PLAGL1: variants seen among roughly 807,000 people sequenced by gnomAD.
PLAGL1 encodes the protein PLAG1 like zinc finger 1, also known as zinc finger protein PLAGL1.
Under a neutral mutation model 4.6 loss-of-function variants are expected in PLAGL1, and 1 was observed. The observed-to-expected ratio is 0.22, with a 90% CI of 0.08 to 1.03. PLAGL1 has a LOEUF of 1.03. PLAGL1 is among the 50% of genes least tolerant of loss of function. PLAGL1 has a pLI of 0.58. For synonymous variants in PLAGL1, 240 were observed against 237.8 expected (o/e 1.01, Z -0.08); for missense variants, 464 against 570.4 (o/e 0.81, Z 1.90).
At position 144,046,469 on chromosome 6, in the gene PLAGL1, G is replaced by A. The variant is rs142651548; in HGVS notation, c.-151+17999C>T. Among the ~76,000 whole-genome samples the A allele has an allele frequency of 2.2e-3, 342 of 152,272 alleles. 1 individual carries two copies. The highest frequency in any genetic ancestry group is 3.4e-3 in the Non-Finnish European group (230 of 68,016). ...CTCAGCTGCAGGTCTGCTGGAGTTT[G>A]CTGGAGGTCTACTCCAGACCCTGTT... On this transcript the variant is annotated intron_variant, in intron 1 of 3. Transcript: ENST00000437412.
rs901647807 is a variant in PLAGL1, at chr6:144,061,853, C to T, written c.-151+2615G>A. On this transcript the variant is annotated intron_variant, in intron 1 of 3. Coordinates refer to the PLAGL1 transcript ENST00000437412. The surrounding 1 kb of genome is among the most constrained non-coding windows in gnomAD (Gnocchi z 4.4). The stretch of plus-strand genomic sequence containing the variant: ...GATTTTCCTTTTGTGCACTTCTCCT[C>T]TGTTGTCATTCCAACCTTCTGTAAT... 2.0e-5 allele frequency among the ~76,000 whole-genome samples: 3 copies of T among 152,190 alleles called. No individual in the cohort carries two copies. Among genetic ancestry groups the T allele is most frequent in the Non-Finnish European group, 2.9e-5 (2 of 68,038 alleles).
At position 144,056,518 on chromosome 6, in the gene PLAGL1, A is replaced by G. The variant is rs1017162057; in HGVS notation, c.-151+7950T>C. ...CCCTCTTTCACCCCTAGCCCTTGACAGCCACTGATCTTTTTATTGCCTCCA... is the reference window on the plus strand; with the variant it reads ...CCCTCTTTCACCCCTAGCCCTTGACGGCCACTGATCTTTTTATTGCCTCCA... On this transcript the variant is annotated intron_variant, in intron 1 of 3. Coordinates refer to the PLAGL1 transcript ENST00000437412. This position sits in a 1 kb window ranked among gnomAD's most constrained non-coding sequence, Gnocchi z 4.7. Among the ~76,000 whole-genome samples the G allele has an allele frequency of 2.0e-5, 3 of 152,212 alleles. No homozygotes were observed. Among genetic ancestry groups the G allele is most frequent in the African/African-American group, 7.2e-5 (3 of 41,460 alleles).
At chr6:144,051,711 A>G (rs7752731) in intron 1 of PLAGL1, among the ~76,000 whole-genome samples, 23,145 of 152,224 alleles carry the variant, frequency 0.15, 2,062 homozygotes, top group Admixed American at 0.25. Flanking sequence ...ATGGTAGAAA[A>G]CGAGGAGGAG....
rs949553749 is a variant in PLAGL1 at position 143,948,263 on chromosome 6, G to A, written c.-127C>T. ...TGCAGCTGAACTCCAGACCACGGGA[G>A]AGGCAGCATCGTGGGCCTGGTTCTA... On this transcript the variant is annotated 5_prime_UTR_variant, in exon 7 of 8. Transcript: ENST00000674357. The surrounding 1 kb of genome is among the most constrained non-coding windows in gnomAD (Gnocchi z 6.0). 1.0e-5 allele frequency: 8 copies of A among 794,814 alleles called. No individual in the cohort carries two copies. The highest frequency in any genetic ancestry group is 1.6e-5 in the Non-Finnish European group (8 of 485,778). 49.2% of individuals were successfully genotyped at this position (794,814 alleles called of 1,614,324 possible).
At chr6:144,041,272 T>C (rs1384524070) in intron 1 of PLAGL1, among the ~76,000 whole-genome samples, 1 of 152,186 alleles carries the variant, frequency 6.6e-6, no homozygotes, top group Non-Finnish European at 1.5e-5. Context: ...CATGTTGGTT[T>C]GCTGCACCTA....
At position 144,000,429 on chromosome 6, in the gene PLAGL1, C is replaced by T. The variant is rs1386791558; in HGVS notation, c.-584+7661G>A. 2.0e-5 allele frequency among the ~76,000 whole-genome samples: 3 copies of T among 152,060 alleles called. No homozygotes were observed. The highest frequency in any genetic ancestry group is 7.2e-5 in the African/African-American group (3 of 41,428). ...AAATAAGAAACTAAGAGAAACTATT[C>T]ACAGTAGCAACAAAAATCATCAGGA... On this transcript the variant is annotated intron_variant, in intron 1 of 7. Transcript: ENST00000674357. This position sits in a 1 kb window ranked among gnomAD's most constrained non-coding sequence, Gnocchi z 4.1.
intron 1 of PLAGL1, among the ~76,000 whole-genome samples, chr6:144,052,875 G>C (rs1798680038): frequency 6.6e-6 from 1 of 152,086 alleles, no homozygotes; most frequent in Admixed American, 6.5e-5. Context: ...CAACATTGGT[G>C]CCCTCTTAGA....
chr6:144,000,834 A>G lies in PLAGL1; in HGVS notation c.-584+7256T>C, dbSNP rs981283672. 4.1e-4 allele frequency among the ~76,000 whole-genome samples: 63 copies of G among 152,314 alleles called. No homozygotes were observed. The highest frequency in any genetic ancestry group is 1.4e-3 in the African/African-American group (60 of 41,586). The stretch of plus-strand genomic sequence containing the variant: ...CTTTTAATACTTGCAAAGTTCTAAG[A>G]AATACTGGAAAAACATCCTTTAAAA... On this transcript the variant is annotated intron_variant, in intron 1 of 7. Coordinates refer to ENST00000674357, the MANE Select transcript of PLAGL1 (RefSeq NM_001317162.2). The surrounding 1 kb of genome is among the most constrained non-coding windows in gnomAD (Gnocchi z 4.1).
Position 143,954,355 on chromosome 6 carries a change from AC to A in PLAGL1, c.-324-5896del, listed in dbSNP as rs1167391614. ...AATAATCATTAATATCCTAGAGAGA[AC>A]AGAGGTCCTTAAAAGAAGAGCAGGA... On this transcript the variant is annotated intron_variant, in intron 6 of 7. Coordinates refer to ENST00000674357, the MANE Select transcript of PLAGL1 (RefSeq NM_001317162.2). This position sits in a 1 kb window ranked among gnomAD's most constrained non-coding sequence, Gnocchi z 5.1. 1.3e-5 allele frequency among the ~76,000 whole-genome samples: 2 copies of A among 152,214 alleles called. No individual in the cohort carries two copies. Among genetic ancestry groups the A allele is most frequent in the African/African-American group, 2.4e-5 (1 of 41,446 alleles).
chr6:144,011,331 C>A (rs1795172541), upstream of PLAGL1, among the ~76,000 whole-genome samples: 1 of 152,100 alleles, frequency 6.6e-6, no homozygotes, highest in Admixed American at 6.6e-5. This position sits in a 1 kb window ranked among gnomAD's most constrained non-coding sequence, Gnocchi z 4.3. Context: ...ATTTATGTGG[C>A]CAACAAACAT....
Position 143,942,399 on chromosome 6 carries a change from G to C in PLAGL1, c.417C>G (p.Leu139=). The C allele has an allele frequency of 1.2e-6, 2 of 1,614,164 alleles. No homozygotes were observed. Among genetic ancestry groups the C allele is most frequent in the Non-Finnish European group, 1.7e-6 (2 of 1,180,024 alleles). ...GGGGCTTCTCTTCCGCATGGGCTTT[G>C]AGGTGGTCCAGTAGCACCTCGGTGC... The part of the protein sequence containing the change: ...LGSTEVLLDH[L]KAHAEEKPPS... Residue 139 remains leucine (L), a synonymous_variant, in exon 8 of 8, where the codon CTC becomes CTG. Coordinates refer to ENST00000674357, the MANE Select transcript of PLAGL1 (RefSeq NM_001317162.2). This position sits in a 1 kb window ranked among gnomAD's most constrained non-coding sequence, Gnocchi z 7.6.
In PLAGL1 at chr6:143,942,464, C is replaced by T. The variant is rs1368428046; in HGVS notation, c.352G>A (p.Gly118Arg). The T allele has an allele frequency of 1.2e-6, 2 of 1,614,150 alleles. No individual in the cohort carries two copies. Among genetic ancestry groups the T allele is most frequent in the South Asian group, 2.2e-5 (2 of 91,082 alleles). ...RHLALHAASS[G>R]DLTCGVCALE... Reference sequence around the variant, plus strand: ...GCACAGACCCCACAGGTGAGGTCCCCACTGCTGGCCGCATGGAGGGCCAGG... The same window carrying T: ...GCACAGACCCCACAGGTGAGGTCCCTACTGCTGGCCGCATGGAGGGCCAGG... The change falls in exon 8 of 8, where the codon GGG (glycine) becomes AGG (arginine). Residue 118 changes from glycine (G) to arginine (R), a missense_variant. Gly to Arg is a moderately radical substitution (Grantham distance 125, BLOSUM62 -2). Coordinates refer to ENST00000674357, the MANE Select transcript of PLAGL1 (RefSeq NM_001317162.2). The surrounding 1 kb of genome is among the most constrained non-coding windows in gnomAD (Gnocchi z 7.6).
chr6:144,030,771 T>C (rs1796761873), intron 1 of PLAGL1, among the ~76,000 whole-genome samples: 1 of 152,250 alleles, frequency 6.6e-6, no homozygotes, highest in Non-Finnish European at 1.5e-5. Context: ...GCTGGTTCCA[T>C]ATTTTTGCAA....
At chr6:144,019,531 A>G (rs923144086) in intron 1 of PLAGL1, among the ~76,000 whole-genome samples, 3 of 152,180 alleles carry the variant, frequency 2.0e-5, no homozygotes, top group African/African-American at 7.2e-5. Flanking sequence ...TGGGCTCAAC[A>G]TTGAATAATA....
Position 143,957,315 on chromosome 6 carries a change from G to A in PLAGL1, c.-325+3154C>T, listed in dbSNP as rs1782370498. ...GGAGTCTGGTGGGGGGGTGAGGGGT[G>A]GAGAGCAACTCCCAAAATCCAGACA... On this transcript the variant is annotated intron_variant, in intron 6 of 7. Coordinates refer to ENST00000674357, the MANE Select transcript of PLAGL1 (RefSeq NM_001317162.2). The surrounding 1 kb of genome is among the most constrained non-coding windows in gnomAD (Gnocchi z 4.2). 6.6e-6 allele frequency among the ~76,000 whole-genome samples: 1 copy of A among 152,168 alleles called. No individual in the cohort carries two copies. The highest frequency in any genetic ancestry group is 6.5e-5 in the Admixed American group (1 of 15,286).
At position 144,019,667 on chromosome 6, in the gene PLAGL1, T is replaced by C. The variant is rs1463475563; in HGVS notation, c.-151+44801A>G. Among the ~76,000 whole-genome samples, 8 of 151,954 alleles carry C rather than the reference T, an allele frequency of 5.3e-5. No homozygotes were observed. The East Asian group carries it at 1.5e-3, about 29-fold the overall frequency. ...AATCATAAATCTAGTTTAACCTCAA[T>C]CGGTTCAGCAAAATAAGTAGGCATT... On this transcript the variant is annotated intron_variant, in intron 1 of 3. Transcript: ENST00000437412.
rs1788270084 is a variant in PLAGL1, at chr6:143,982,897, A to G, written c.-544+2238T>C. On this transcript the variant is annotated intron_variant, in intron 2 of 7. Coordinates refer to ENST00000674357, the MANE Select transcript of PLAGL1 (RefSeq NM_001317162.2). The surrounding 1 kb of genome is among the most constrained non-coding windows in gnomAD (Gnocchi z 5.3). ...ATGTTAGGTTTGATATGCCTATTAG[A>G]CATCCAGCAATTGGATATTTTAATC... 1.3e-5 allele frequency among the ~76,000 whole-genome samples: 2 copies of G among 152,212 alleles called. No individual in the cohort carries two copies. The highest frequency in any genetic ancestry group is 1.3e-4 in the Admixed American group (2 of 15,266).
In PLAGL1 at chr6:144,016,530, G is replaced by A. The variant is rs1198895808; in HGVS notation, c.-150-47552C>T. Reference sequence around the variant, plus strand: ...GTATTAACCATCATAATATGTAAACGACACATGGTCCCATTCATAGGAAAT... The same window carrying A: ...GTATTAACCATCATAATATGTAAACAACACATGGTCCCATTCATAGGAAAT... On this transcript the variant is annotated intron_variant, in intron 1 of 3. Coordinates refer to the PLAGL1 transcript ENST00000437412. The surrounding 1 kb of genome is among the most constrained non-coding windows in gnomAD (Gnocchi z 4.2). Among the ~76,000 whole-genome samples the A allele has an allele frequency of 6.6e-6, 1 of 152,074 alleles. No individual in the cohort carries two copies. Among genetic ancestry groups the A allele is most frequent in the East Asian group, 1.9e-4 (1 of 5,208 alleles).
chr6:143,951,358 C>T (rs1195606014), intron 6 of PLAGL1, among the ~76,000 whole-genome samples: 1 of 152,182 alleles, frequency 6.6e-6, no homozygotes. Context: ...CACATTCTCT[C>T]CCTATGGATA....
Sources: allele counts gnomAD v4.1 joint callset (sites outside exome capture counted in the v4.1 genomes callset), GRCh38; gene constraint gnomAD v4.1.1; non-coding constraint Gnocchi (gnomAD v3.1); transcripts MANE v1.5; gene names NCBI Gene and HGNC (gene_info 2026-07-23, HGNC 2026-07-21).